Variants in KCNJ1 observed in about 807,000 individuals in gnomAD.
KCNJ1 encodes the protein ATP-sensitive inward rectifier potassium channel 1.
KCNJ1 carries 24 observed loss-of-function variants against 21.9 expected under a neutral mutation model. The ratio of observed to expected loss-of-function variants is 1.10; its 90% confidence interval spans 0.79 to 1.54. KCNJ1 has a LOEUF of 1.54. Ranked by LOEUF, KCNJ1 falls within the 40% of genes most tolerant of loss-of-function variation. KCNJ1 has a pLI of 0.00. For missense variants in KCNJ1, 457 were observed against 455.4 expected, an observed-to-expected ratio of 1.00 and a Z score of -0.03; for synonymous variants, 152 against 160.9, an observed-to-expected ratio of 0.94 and a Z score of 0.42.
intron 1 of KCNJ1, among the ~76,000 whole-genome samples, chr11:128,851,771 C>CTA (rs1227387829): frequency 2.0e-5 from 3 of 152,242 alleles, no homozygotes; most frequent in African/African-American, 7.2e-5. Context: ...TATAGGATGC[C>CTA]CAACCTTGAC....
intron 1 of KCNJ1, among the ~76,000 whole-genome samples, chr11:128,862,952 C>G (rs565243656): frequency 1.3e-5 from 2 of 152,334 alleles, no homozygotes; most frequent in South Asian, 4.2e-4. Context: ...ACAGAGTCTT[C>G]TCCTGTGAAA....
chr11:128,849,892 T>C (rs1320774798), intron 2 of KCNJ1, among the ~76,000 whole-genome samples: 1 of 152,136 alleles, frequency 6.6e-6, no homozygotes, highest in Non-Finnish European at 1.5e-5. Context: ...CTCCAACCCC[T>C]CCTGCCCGCC....
chr11:128,850,426 A>C (rs1943462866), intron 2 of KCNJ1, among the ~76,000 whole-genome samples: 1 of 152,196 alleles, frequency 6.6e-6, no homozygotes, highest in Non-Finnish European at 1.5e-5. Flanking sequence ...TGCCTACCCC[A>C]GCACCAGGCA....
chr11:128,860,042 C>T (rs1034777038), intron 1 of KCNJ1, among the ~76,000 whole-genome samples: 1 of 130,094 alleles, frequency 7.7e-6, no homozygotes, highest in Non-Finnish European at 1.6e-5. Context: ...TGGCGCCTGC[C>T]GAGGGCACTG....
At chr11:128,849,731 A>G (rs1314745982) in intron 2 of KCNJ1, among the ~76,000 whole-genome samples, 1 of 152,174 alleles carries the variant, frequency 6.6e-6, no homozygotes, top group Non-Finnish European at 1.5e-5. Context: ...GCTTCTGTGG[A>G]TTGTCCTGGC....
chr11:128,860,934 C>CA (rs1164535412), intron 1 of KCNJ1, among the ~76,000 whole-genome samples: 6 of 152,284 alleles, frequency 3.9e-5, no homozygotes, highest in African/African-American at 1.2e-4. Context: ...TCAAAAAACA[C>CA]AAAAACACTC....
chr11:128,847,001 T>C (rs532395970), intron 2 of KCNJ1, among the ~76,000 whole-genome samples: 3 of 152,196 alleles, frequency 2.0e-5, no homozygotes, highest in Non-Finnish European at 4.4e-5. Flanking sequence ...AATGGCCGAA[T>C]ATCCCCCCAT....
chr11:128,847,218 CA>C (rs1943397587), intron 2 of KCNJ1, among the ~76,000 whole-genome samples: 1 of 152,220 alleles, frequency 6.6e-6, no homozygotes, highest in Admixed American at 6.5e-5. Flanking sequence ...AAGTCCTTTC[CA>C]AAACCCTCTC....
intron 1 of KCNJ1, among the ~76,000 whole-genome samples, chr11:128,856,180 T>C (rs1207134199): frequency 2.0e-5 from 3 of 152,164 alleles, no homozygotes; most frequent in Non-Finnish European, 4.4e-5. Context: ...ATCCGGCTGC[T>C]AGGGACAAAT....
In KCNJ1 at chr11:128,856,548, G is replaced by C. The variant is rs557420344; in HGVS notation, c.-191-5658C>G. 4.6e-5 allele frequency among the ~76,000 whole-genome samples: 7 copies of C among 152,336 alleles called. No homozygotes were observed. In the South Asian group the frequency reaches 6.2e-4, roughly 14 times the overall value. The stretch of plus-strand genomic sequence containing the variant: ...GCTGGGACAGCACATCTGGGCATAG[G>C]CATCTTGGACTGAAATTCCTACTCT... On this transcript the variant is annotated intron_variant, in intron 1 of 2. Coordinates refer to ENST00000392666, the MANE Select transcript of KCNJ1 (RefSeq NM_153766.3).
At chr11:128,856,360 T>C (rs574895197) in intron 1 of KCNJ1, among the ~76,000 whole-genome samples, 1 of 152,222 alleles carries the variant, frequency 6.6e-6, no homozygotes, top group Non-Finnish European at 1.5e-5. Context: ...GGCTTGGTGA[T>C]GGATGCCTGG....
intron 2 of KCNJ1, 94 bp from the exon 3 acceptor site, chr11:128,840,358 A>T: frequency 2.5e-6 from 3 of 1,187,034 alleles, no homozygotes; most frequent in Non-Finnish European, 3.7e-6. Flanking sequence ...CGAAAAGATC[A>T]TTCAAAATTA....
chr11:128,864,650 C>T (rs1943785141), intron 1 of KCNJ1, among the ~76,000 whole-genome samples: 1 of 152,228 alleles, frequency 6.6e-6, no homozygotes, highest in South Asian at 2.1e-4. Context: ...TGGCTTGAGC[C>T]TAGGTCATCA....
intron 2 of KCNJ1, among the ~76,000 whole-genome samples, chr11:128,849,811 T>C (rs2135949595): frequency 6.6e-6 from 1 of 152,024 alleles, no homozygotes; most frequent in South Asian, 2.1e-4. Context: ...CTCTACAGGG[T>C]GTTGTTACTT....
intron 2 of KCNJ1, among the ~76,000 whole-genome samples, chr11:128,841,934 G>T (rs780323259): frequency 6.6e-6 from 1 of 152,158 alleles, no homozygotes. Flanking sequence ...ATTAGGGGAT[G>T]GTGCATGTGA....
chr11:128,843,962 C>G (rs1243868171), intron 2 of KCNJ1, among the ~76,000 whole-genome samples: 1 of 152,174 alleles, frequency 6.6e-6, no homozygotes, highest in Non-Finnish European at 1.5e-5. Flanking sequence ...GGATATGAAA[C>G]AGTGGGAGCA....
intron 1 of KCNJ1, among the ~76,000 whole-genome samples, chr11:128,866,266 G>T (rs1248761192): frequency 6.6e-6 from 1 of 152,166 alleles, no homozygotes; most frequent in East Asian, 1.9e-4. Flanking sequence ...CCCAGGGAAG[G>T]CAGCGTGCAG....
chr11:128,843,687 C>A (rs1358345661), intron 2 of KCNJ1, among the ~76,000 whole-genome samples: 1 of 152,134 alleles, frequency 6.6e-6, no homozygotes, highest in Non-Finnish European at 1.5e-5. Flanking sequence ...TAAAAAGATC[C>A]CCATCAGCTG....
At chr11:128,865,463 T>A (rs749800481) in intron 1 of KCNJ1, among the ~76,000 whole-genome samples, 5 of 151,222 alleles carry the variant, frequency 3.3e-5, no homozygotes, top group Non-Finnish European at 7.4e-5. Context: ...GAAAGGCAAA[T>A]GAAGAAAAAA....
Sources: allele counts gnomAD v4.1 joint callset (sites outside exome capture counted in the v4.1 genomes callset), GRCh38; gene constraint gnomAD v4.1.1; transcripts MANE v1.5; gene names NCBI Gene and HGNC (gene_info 2026-07-23, HGNC 2026-07-21).